Variants in CSMD2 observed in about 807,000 individuals in gnomAD.
The protein encoded by CSMD2 is CUB and sushi domain-containing protein 2.
In CSMD2, 130 loss-of-function variants were observed where a neutral mutation model predicts 398.5. The observed-to-expected ratio is 0.33, with a 90% CI of 0.28 to 0.38. The LOEUF (loss-of-function observed/expected upper bound fraction) is 0.38. CSMD2 is among the 10% of genes least tolerant of loss of function. The probability of loss-of-function intolerance (pLI) is 1.00; values close to 1 mark genes in which losing one functional copy is unlikely to be tolerated. For synonymous variants in CSMD2, 1,828 were observed against 1,908.5 expected (o/e 0.96, Z 1.10); for missense variants, 3,829 against 4,764.9 (o/e 0.80, Z 5.78).
chr1:33,517,324 G>T (rs1653854024), intron 70 of CSMD2, among the ~76,000 whole-genome samples: 1 of 152,172 alleles, frequency 6.6e-6, no homozygotes, highest in Middle Eastern at 3.2e-3. Flanking sequence ...AATGCTGAGG[G>T]CTGGCCAGAT....
At chr1:33,605,142 G>T in intron 42 of CSMD2, 140 bp downstream of exon 42, 1 of 818,748 alleles carries the variant, frequency 1.2e-6, no homozygotes. Context: ...CACACCATGT[G>T]AAAACAGGAT....
intron 55 of CSMD2, among the ~76,000 whole-genome samples, chr1:33,551,484 AC>A (rs1290422016): frequency 6.6e-6 from 1 of 152,206 alleles, no homozygotes; most frequent in Non-Finnish European, 1.5e-5. Context: ...TAGACATCAT[AC>A]CCAGAAAGCC....
chr1:34,016,045 A>G (rs28408292), intron 3 of CSMD2, among the ~76,000 whole-genome samples: 18 of 121,650 alleles, frequency 1.5e-4, no homozygotes, highest in Admixed American at 4.2e-4. Context: ...GTGTGTGTGT[A>G]TGTGTGTATT....
chr1:33,732,582 A>G (rs1417983447), intron 15 of CSMD2, among the ~76,000 whole-genome samples: 1 of 152,206 alleles, frequency 6.6e-6, no homozygotes, highest in Non-Finnish European at 1.5e-5. Context: ...CCCTGCCAGT[A>G]CCTTGATCTT....
chr1:33,918,356 C>CTTGA, intron 4 of CSMD2, 55 bp from the exon 5 acceptor site: 1 of 1,442,964 alleles, frequency 6.9e-7, no homozygotes, highest in Non-Finnish European at 9.7e-7. Context: ...CAAGCCCTAG[C>CTTGA]ACTCACCATG....
rs1172452816 is a variant in CSMD2, at chr1:33,537,674, C to T, written c.9632-65G>A. 6 of 1,498,024 alleles carry T rather than the reference C, an allele frequency of 4.0e-6. No individual in the cohort carries two copies. Among genetic ancestry groups the T allele is most frequent in the Non-Finnish European group, 5.4e-6 (6 of 1,108,328 alleles). The allele number at this position is 1,498,024 out of a possible 1,614,324, so 92.8% of individuals were successfully genotyped here. A position where few individuals can be genotyped will look rare whatever the true frequency, so the allele number is the denominator to read the frequency against. Reference sequence around the variant, plus strand: ...TCCAGAACCCAATCTTCCAGTCCCACACCCCCATCTTTGTTCTTTGCACTG... The same window carrying T: ...TCCAGAACCCAATCTTCCAGTCCCATACCCCCATCTTTGTTCTTTGCACTG... On this transcript the variant is annotated intron_variant, in intron 60 of 70. Transcript: ENST00000373381. This position sits in a 1 kb window ranked among gnomAD's most constrained non-coding sequence, Gnocchi z 4.6.
intron 5 of CSMD2, among the ~76,000 whole-genome samples, chr1:33,847,258 C>T (rs182517979): frequency 6.6e-4 from 100 of 152,060 alleles, no homozygotes; most frequent in Middle Eastern, 6.8e-3. Context: ...CACAGCACCT[C>T]CTGCTTAAAT....
At position 33,521,449 on chromosome 1, in the gene CSMD2, C is replaced by A. The variant is rs778961286; in HGVS notation, c.10597+14G>T. The A allele has an allele frequency of 1.3e-6, 2 of 1,518,688 alleles. No individual in the cohort carries two copies. The highest frequency in any genetic ancestry group is 4.5e-5 in the East Asian group (2 of 44,380). The allele number at this position is 1,518,688 out of a possible 1,614,324, so 94.1% of individuals were successfully genotyped here. ...CACCCGGGCCCACACTTCCGGGGGA[C>A]AAGCACTAGTTACCCAGTCTTTGAA... is the stretch of plus-strand genomic sequence containing the variant. On this transcript the variant is annotated intron_variant, in intron 68 of 70. Transcript: ENST00000373381.
At chr1:34,048,633 T>C (rs1652819297) in intron 2 of CSMD2, among the ~76,000 whole-genome samples, 1 of 152,118 alleles carries the variant, frequency 6.6e-6, no homozygotes, top group Admixed American at 6.5e-5. Context: ...ATGGGGGTCT[T>C]CTCCTTACCT....
rs79462757 is a variant in CSMD2, at chr1:33,536,799, G to C, written c.9879+223C>G. 2.3e-3 allele frequency among the ~76,000 whole-genome samples: 356 copies of C among 152,352 alleles called. 2 individuals are homozygous for C. The highest frequency in any genetic ancestry group is 8.4e-3 in the African/African-American group (350 of 41,588). ...GTGTTCATGGAACTGCACGCCATCTGTCCTTCCTCATCAGTTTCTCTGACG... is the reference window on the plus strand; with the variant it reads ...GTGTTCATGGAACTGCACGCCATCTCTCCTTCCTCATCAGTTTCTCTGACG... On this transcript the variant is annotated intron_variant, in intron 62 of 70. Transcript: ENST00000373381.
intron 6 of CSMD2, 32 bp from the exon 7 acceptor site, chr1:33,825,806 AGTT>A: frequency 1.9e-6 from 3 of 1,573,600 alleles, no homozygotes; most frequent in Non-Finnish European, 2.6e-6. Flanking sequence ...AAACAATGTG[AGTT>A]GTTGCCTGTG....
chr1:33,820,615 A>C lies in CSMD2; in HGVS notation c.1112-59T>G, dbSNP rs138395963. On this transcript the variant is annotated intron_variant, in intron 7 of 70. Transcript: ENST00000373381. Reference sequence around the variant, plus strand: ...AGCACACACAGAGATGGACAGTCACAGGGAGGCACCAGCTGGGGCAATGTC... The same window carrying C: ...AGCACACACAGAGATGGACAGTCACCGGGAGGCACCAGCTGGGGCAATGTC... 1,065 of 1,176,998 alleles carry C rather than the reference A, an allele frequency of 9.0e-4. 5 individuals are homozygous for C. The African/African-American group carries it at 0.015, about 17-fold the overall frequency. The allele number at this position is 1,176,998 out of a possible 1,614,324, so 72.9% of individuals were successfully genotyped here. A position where few individuals can be genotyped will look rare whatever the true frequency, so the allele number is the denominator to read the frequency against.
At chr1:34,072,035 A>G (rs996103081) in intron 2 of CSMD2, among the ~76,000 whole-genome samples, 2 of 152,222 alleles carry the variant, frequency 1.3e-5, no homozygotes, top group African/African-American at 2.4e-5. Flanking sequence ...ACCAGTGGCC[A>G]AGCTGGGACA....
At chr1:33,556,390 TA>T (rs1271734420) in intron 55 of CSMD2, among the ~76,000 whole-genome samples, 1 of 152,030 alleles carries the variant, frequency 6.6e-6, no homozygotes, top group African/African-American at 2.4e-5. Context: ...CACGAGGGCG[TA>T]AAAAAATGCA....
At chr1:33,540,243 A>G (rs1656200785) in intron 60 of CSMD2, among the ~76,000 whole-genome samples, 1 of 149,808 alleles carries the variant, frequency 6.7e-6, no homozygotes, top group Non-Finnish European at 1.5e-5. Flanking sequence ...ACTATTCCAT[A>G]CAGTTAACAA....
intron 28 of CSMD2, among the ~76,000 whole-genome samples, 198 bp from the exon 29 acceptor site, chr1:33,647,033 A>G (rs376856871): frequency 1.3e-5 from 2 of 152,152 alleles, no homozygotes; most frequent in South Asian, 2.1e-4. Context: ...AAGATGGAAG[A>G]GGCAGGCTCA....
intron 3 of CSMD2, among the ~76,000 whole-genome samples, chr1:33,939,302 C>A (rs113040794): frequency 0.014 from 2,169 of 152,222 alleles, 45 homozygotes; most frequent in African/African-American, 0.05. Context: ...TCCCATGATG[C>A]CCTGCTGCTG....
At chr1:33,919,549 C>T (rs570239420) in intron 4 of CSMD2, among the ~76,000 whole-genome samples, 1 of 152,206 alleles carries the variant, frequency 6.6e-6, no homozygotes, top group African/African-American at 2.4e-5. Flanking sequence ...GTAAGATATA[C>T]ACCTACTCTC....
At chr1:33,920,669 G>A (rs959291159) in intron 4 of CSMD2, among the ~76,000 whole-genome samples, 1 of 152,110 alleles carries the variant, frequency 6.6e-6, no homozygotes, top group Admixed American at 6.5e-5. Flanking sequence ...CTTTTACTCG[G>A]AATGAGTTGA....
Sources: gnomAD v4.1 joint callset for allele counts (sites outside exome capture counted in the v4.1 genomes callset) on GRCh38, gnomAD v4.1.1 for gene constraint, Gnocchi (gnomAD v3.1) non-coding constraint, MANE v1.5 for transcripts, NCBI Gene and HGNC (gene_info 2026-07-23, HGNC 2026-07-21) for gene names.